The following PCDH15 variants were observed in gnomAD, a reference collection of about 807,000 sequenced individuals.
PCDH15 encodes the protein protocadherin-15.
A neutral mutation model predicts 178.5 loss-of-function variants in PCDH15; 129 were observed. The ratio of observed to expected loss-of-function variants is 0.72; its 90% CI spans 0.63 to 0.84. The LOEUF (loss-of-function observed/expected upper bound fraction) is 0.84, where lower values mean the gene tolerates loss of function less well. PCDH15 is among the 40% of genes least tolerant of loss of function. The pLI is 0.00. For synonymous variants in PCDH15, 800 were observed against 732.0 expected, an observed-to-expected ratio of 1.09 and a Z score of -1.50; for missense variants, 2,230 against 2,099.9, an observed-to-expected ratio of 1.06 and a Z score of -1.21.
intron 1 of PCDH15, among the ~76,000 whole-genome samples, chr10:54,692,870 A>C (rs2095151390): frequency 6.6e-6 from 1 of 152,162 alleles, no homozygotes; most frequent in East Asian, 1.9e-4. Flanking sequence ...AGTAAATAAA[A>C]CCATTCTTTT....
rs1025512986 is a variant in PCDH15, at chr10:54,416,149, A to C, written c.158-37207T>G. Among the ~76,000 whole-genome samples the C allele has an allele frequency of 5.9e-5, 9 of 151,930 alleles. No individual in the cohort carries two copies. The East Asian group carries it at 1.8e-3, about 30-fold the overall frequency. Reference sequence around the variant, plus strand: ...AAGCTAAATATATATATACACATAAAATTTTTAAAATTTTTACTTTAAGTT... The same window carrying C: ...AAGCTAAATATATATATACACATAACATTTTTAAAATTTTTACTTTAAGTT... On this transcript the variant is annotated intron_variant, in intron 3 of 37. Transcript: ENST00000644397.
At chr10:55,165,105 A>C (rs1425806949) in intron 2 of PCDH15, among the ~76,000 whole-genome samples, 1 of 152,096 alleles carries the variant, frequency 6.6e-6, no homozygotes, top group Non-Finnish European at 1.5e-5. Flanking sequence ...AGTTTATCAT[A>C]AACTCACCTG....
chr10:55,402,235 GTTTA>G (rs1369569287), intron 2 of PCDH15, among the ~76,000 whole-genome samples: 1 of 151,920 alleles, frequency 6.6e-6, no homozygotes, highest in Non-Finnish European at 1.5e-5. Flanking sequence ...AATGAGATTT[GTTTA>G]TTTATACCTA....
At chr10:55,450,842 C>A (rs1839418787) in intron 2 of PCDH15, among the ~76,000 whole-genome samples, 1 of 151,706 alleles carries the variant, frequency 6.6e-6, no homozygotes, top group African/African-American at 2.4e-5. Context: ...TCCCATATCA[C>A]CTATCACCTC....
chr10:54,797,843 T>C (rs1272420155), intron 1 of PCDH15, among the ~76,000 whole-genome samples: 1 of 151,966 alleles, frequency 6.6e-6, no homozygotes, highest in African/African-American at 2.4e-5. Context: ...TCAGCGTGAC[T>C]GACTTTTAGG....
chr10:54,521,870 A>T (rs972372706), intron 3 of PCDH15, among the ~76,000 whole-genome samples: 13 of 152,050 alleles, frequency 8.5e-5, no homozygotes, highest in Non-Finnish European at 1.8e-4. Context: ...CGGGTGGATC[A>T]CGAGGTCAGG....
chr10:55,256,879 G>A (rs1387539706), intron 1 of PCDH15, among the ~76,000 whole-genome samples: 1 of 152,130 alleles, frequency 6.6e-6, no homozygotes, highest in African/African-American at 2.4e-5. Flanking sequence ...GAGAGTAGTG[G>A]TTCTCCCAGT....
chr10:54,857,692 T>C (rs1473858664), intron 3 of PCDH15, among the ~76,000 whole-genome samples: 1 of 151,798 alleles, frequency 6.6e-6, no homozygotes, highest in Non-Finnish European at 1.5e-5. Flanking sequence ...CATCAAGCAA[T>C]TCTCCCACCT....
intron 3 of PCDH15, among the ~76,000 whole-genome samples, chr10:54,470,809 C>T (rs761000141): frequency 9.2e-5 from 14 of 152,244 alleles, no homozygotes; most frequent in Non-Finnish European, 1.6e-4. Flanking sequence ...CTGTTGAATT[C>T]CAGCATTTTT....
chr10:54,520,978 C>T (rs577901594), intron 3 of PCDH15, among the ~76,000 whole-genome samples: 10 of 148,270 alleles, frequency 6.7e-5, no homozygotes, highest in East Asian at 2.0e-4. Flanking sequence ...AAACAAACAC[C>T]GCATGTTCTC....
At chr10:55,571,430 AT>A (rs1232556037) in intron 2 of PCDH15, among the ~76,000 whole-genome samples, 1 of 152,146 alleles carries the variant, frequency 6.6e-6, no homozygotes, top group Admixed American at 6.6e-5. Flanking sequence ...TTATGAGCAC[AT>A]TAGTTCTCAT....
chr10:54,504,718 TA>T (rs2081020094), intron 3 of PCDH15, among the ~76,000 whole-genome samples: 1 of 152,124 alleles, frequency 6.6e-6, no homozygotes, highest in Non-Finnish European at 1.5e-5. Context: ...TACATATACA[TA>T]TATACATATA....
At chr10:54,263,265 G>A (rs2132329781) in intron 8 of PCDH15, among the ~76,000 whole-genome samples, 1 of 152,190 alleles carries the variant, frequency 6.6e-6, no homozygotes, top group East Asian at 1.9e-4. Context: ...TGAGGGAAGG[G>A]GAGTGCAGCC....
At chr10:54,315,948 GTTTGTT>G (rs1200038564) in intron 8 of PCDH15, among the ~76,000 whole-genome samples, 9 of 93,832 alleles carry the variant, frequency 9.6e-5, no homozygotes, top group Non-Finnish European at 1.0e-4. Context: ...TTGTTTGTTT[GTTTGTT>G]TTTGTTTTTG....
intron 3 of PCDH15, among the ~76,000 whole-genome samples, chr10:54,503,225 A>ATGTGTGTGTGTGTGTG (rs35951831): frequency 4.8e-5 from 4 of 83,772 alleles, no homozygotes; most frequent in East Asian, 1.6e-3. Flanking sequence ...ATACATATAT[A>ATGTGTGTGTGTGTGTG]TGTGTGTGTG....
At chr10:55,033,219 G>A (rs1454966161) in intron 2 of PCDH15, among the ~76,000 whole-genome samples, 2 of 152,132 alleles carry the variant, frequency 1.3e-5, no homozygotes, top group African/African-American at 4.8e-5. Context: ...CAGGGGGACA[G>A]CTACATCACA....
chr10:53,962,093 C>G (rs531287849), intron 21 of PCDH15, among the ~76,000 whole-genome samples: 13 of 152,156 alleles, frequency 8.5e-5, no homozygotes, highest in Non-Finnish European at 1.6e-4. Flanking sequence ...AGTATCTCTA[C>G]TACAGGTTAT....
chr10:54,585,599 C>T, intron 2 of PCDH15: 1 of 182,404 alleles, frequency 5.5e-6, no homozygotes, highest in South Asian at 8.6e-5. Context: ...ATCATCAGTC[C>T]TCCTAGCAAT....
chr10:55,315,517 C>A (rs1329093537), intron 1 of PCDH15, among the ~76,000 whole-genome samples: 1 of 152,110 alleles, frequency 6.6e-6, no homozygotes, highest in Non-Finnish European at 1.5e-5. Context: ...CAAATCAGTC[C>A]TCCCAATCAC....
Sources: gnomAD v4.1 joint callset for allele counts (sites outside exome capture counted in the v4.1 genomes callset) on GRCh38, gnomAD v4.1.1 for gene constraint, MANE v1.5 for transcripts, NCBI Gene and HGNC (gene_info 2026-07-23, HGNC 2026-07-21) for gene names.